The following GRID2IP variants were observed in gnomAD, a reference collection of about 807,000 sequenced individuals.
The protein encoded by GRID2IP is Grid2 interacting protein, also known as delphilin.
A neutral mutation model predicts 114.3 loss-of-function variants in GRID2IP; 78 were observed. The observed-to-expected ratio is 0.68, with a 90% CI of 0.57 to 0.82. The LOEUF (loss-of-function observed/expected upper bound fraction) is 0.82. GRID2IP is among the 40% of genes least tolerant of loss of function. The probability of loss-of-function intolerance (pLI) is 0.00; values close to 1 mark genes in which losing one functional copy is unlikely to be tolerated. For synonymous variants in GRID2IP, 809 were observed against 724.0 expected (o/e 1.12, Z -1.89); for missense variants, 1,727 against 1,678.5 (o/e 1.03, Z -0.51).
intron 4 of GRID2IP, among the ~76,000 whole-genome samples, chr7:6,525,158 T>A (rs943208568): frequency 4.0e-5 from 6 of 151,684 alleles, no homozygotes; most frequent in Non-Finnish European, 7.4e-5. Context: ...TATAAAAAAA[T>A]TAGCTGGGTG....
chr7:6,541,093 C>T (rs1779810182), intron 1 of GRID2IP, among the ~76,000 whole-genome samples: 1 of 151,846 alleles, frequency 6.6e-6, no homozygotes. Flanking sequence ...CTATATTGCC[C>T]AGGCTGATCT....
At chr7:6,542,604 G>A (rs544066133) in intron 1 of GRID2IP, among the ~76,000 whole-genome samples, 1 of 152,270 alleles carries the variant, frequency 6.6e-6, no homozygotes, top group African/African-American at 2.4e-5. Flanking sequence ...GCTGCAGTGA[G>A]CCAAGATTGT....
Position 6,528,984 on chromosome 7 carries a change from T to C in GRID2IP, c.585-2215A>G, listed in dbSNP as rs138405907. On this transcript the variant is annotated intron_variant, in intron 2 of 21. Transcript: ENST00000457091. This position sits in a 1 kb window ranked among gnomAD's most constrained non-coding sequence, Gnocchi z 6.0. ...CACATTCCCTAGCGCCTCCCAGACC[T>C]CAAGCCTCATGTCCAGGCAAAGGAG... Among the ~76,000 whole-genome samples, 110 of 152,078 alleles carry C rather than the reference T, an allele frequency of 7.2e-4. No homozygotes were observed. The highest frequency in any genetic ancestry group is 2.5e-3 in the African/African-American group (105 of 41,482).
intron 7 of GRID2IP, among the ~76,000 whole-genome samples, chr7:6,515,376 C>T (rs901190613): frequency 6.6e-6 from 1 of 151,914 alleles, no homozygotes; most frequent in African/African-American, 2.4e-5. Flanking sequence ...GTAGGAGAAT[C>T]GCTTAGACTG....
Position 6,497,788 on chromosome 7 carries a change from G to C in GRID2IP, c.3622C>G (p.Pro1208Ala). 1 of 1,550,086 alleles carries C rather than the reference G, an allele frequency of 6.5e-7. No homozygotes were observed. Among genetic ancestry groups the C allele is most frequent in the South Asian group, 1.2e-5 (1 of 84,006 alleles). The change falls in exon 22 of 22, where the codon CCC (proline) becomes GCC (alanine). Residue 1208 changes from proline to alanine, a missense_variant. Pro to Ala is a conservative substitution (Grantham distance 27). Coordinates refer to ENST00000457091, the MANE Select transcript of GRID2IP (RefSeq NM_001145118.2). ...TGTGGCCACTGTCACCAGGCCAGGG[G>C]TGAAACCATCCCGGAGCTGCGCAGG... ...EGLRSSGMVS[P>A]LAW
chr7:6,498,564 A>C (rs1583329727), intron 20 of GRID2IP, among the ~76,000 whole-genome samples: 2 of 128,320 alleles, frequency 1.6e-5, no homozygotes. Flanking sequence ...GTCACTCTCT[A>C]GGCCTTACTT....
Position 6,510,596 on chromosome 7 carries a change from G to A in GRID2IP, c.1653+13C>T, listed in dbSNP as rs780817034. 6.6e-7 allele frequency: 1 copy of A among 1,523,760 alleles called. No individual in the cohort carries two copies. Among genetic ancestry groups the A allele is most frequent in the Non-Finnish European group, 8.8e-7 (1 of 1,133,048 alleles). The allele number at this position is 1,523,760 out of a possible 1,614,324, so 94.4% of individuals were successfully genotyped here. On this transcript the variant is annotated intron_variant, in intron 10 of 21. Coordinates refer to ENST00000457091, the MANE Select transcript of GRID2IP (RefSeq NM_001145118.2). ...CCCTACTGACCCCACGTGGAGGGCA[G>A]AGAAGGTCTCACCATCTTGGGGTTG...
chr7:6,531,012 CCG>C, intron 2 of GRID2IP: 1 of 638,876 alleles, frequency 1.6e-6, no homozygotes, highest in Non-Finnish European at 2.8e-6. Flanking sequence ...CGAGGCGGAT[CCG>C]TGGCGCAGAG....
At chr7:6,533,149 G>A (rs1028988779) in intron 2 of GRID2IP, among the ~76,000 whole-genome samples, 13 of 152,100 alleles carry the variant, frequency 8.5e-5, no homozygotes, top group Non-Finnish European at 1.5e-4. Context: ...GCATCTAGGG[G>A]GTAGAGGCCT....
rs780621226 is a variant in GRID2IP at position 6,506,100 on chromosome 7, C to T, written c.2545-193G>A. Among the ~76,000 whole-genome samples the T allele has an allele frequency of 3.9e-5, 6 of 152,228 alleles. No homozygotes were observed. The highest frequency in any genetic ancestry group is 1.3e-4 in the Admixed American group (2 of 15,282). On this transcript the variant is annotated intron_variant, in intron 13 of 21. Coordinates refer to ENST00000457091, the MANE Select transcript of GRID2IP (RefSeq NM_001145118.2). The surrounding 1 kb of genome is among the most constrained non-coding windows in gnomAD (Gnocchi z 5.2). The stretch of plus-strand genomic sequence containing the variant: ...TCCGAGTCACCGGGTGCTGAGCCAG[C>T]GCCTCCTGGGGTCAATCGAGACTCA...
intron 16 of GRID2IP, 99 bp downstream of exon 16, chr7:6,503,392 G>T: frequency 8.2e-7 from 1 of 1,224,964 alleles, no homozygotes; most frequent in Non-Finnish European, 1.1e-6. Context: ...GGGCGCAATG[G>T]CGGCCCCCGA....
chr7:6,536,615 G>T lies in GRID2IP; in HGVS notation c.584+3103C>A, dbSNP rs1391836686. Among the ~76,000 whole-genome samples, 1 of 151,966 alleles carries T rather than the reference G, an allele frequency of 6.6e-6. No individual in the cohort carries two copies. The highest frequency in any genetic ancestry group is 1.5e-5 in the Non-Finnish European group (1 of 67,928). ...CCGGCTGCCAGCAGCCGGGAGACGA[G>T]CGAGCCAACTTCCTGGGGGACAGCT... On this transcript the variant is annotated intron_variant, in intron 2 of 21. Coordinates refer to ENST00000457091, the MANE Select transcript of GRID2IP (RefSeq NM_001145118.2). The surrounding 1 kb of genome is among the most constrained non-coding windows in gnomAD (Gnocchi z 5.3).
chr7:6,539,879 G>A lies in GRID2IP; in HGVS notation c.430-7C>T. ...CCCCCAAGATTTCATCCACCTGCAA[G>A]GAGGAGTCCTGTGAATGACCAAAAG... is the stretch of plus-strand genomic sequence containing the variant. On this transcript the variant is annotated splice_polypyrimidine_tract_variant and splice_region_variant and intron_variant, in intron 1 of 21. Transcript: ENST00000457091. 1.3e-6 allele frequency: 2 copies of A among 1,549,802 alleles called. No individual in the cohort carries two copies. The highest frequency in any genetic ancestry group is 1.4e-5 in the African/African-American group (1 of 73,146).
intron 1 of GRID2IP, among the ~76,000 whole-genome samples, chr7:6,546,270 C>T (rs569454055): frequency 6.6e-6 from 1 of 151,038 alleles, no homozygotes; most frequent in Admixed American, 6.6e-5. Context: ...CTAGCTTGAC[C>T]AACATGGTGA....
rs1779253179 is a variant in GRID2IP, at chr7:6,514,506, T to C, written c.1292A>G (p.Asp431Gly). ...AGGGGTGTCCAGCACAGGGTAGACGTCAACGATGAGGGTGTCGATGTTCCT... is the reference window on the plus strand; with the variant it reads ...AGGGGTGTCCAGCACAGGGTAGACGCCAACGATGAGGGTGTCGATGTTCCT... The part of the protein sequence containing the change: ...QHRNIDTLIV[D>G]VYPVLDTPAK... The change falls in exon 8 of 22, where the codon GAC (aspartate) becomes GGC (glycine). Residue 431 changes from aspartate to glycine, a missense_variant. Asp to Gly is a moderately conservative substitution (Grantham distance 94). Transcript: ENST00000457091. The C allele has an allele frequency of 6.5e-7, 1 of 1,534,446 alleles. No homozygotes were observed. Among genetic ancestry groups the C allele is most frequent in the Non-Finnish European group, 8.8e-7 (1 of 1,137,876 alleles).
rs1786296989 is a variant in GRID2IP, at chr7:6,497,772, T to G, written c.*2A>C. 19 of 1,548,892 alleles carry G rather than the reference T, an allele frequency of 1.2e-5. No homozygotes were observed. Among genetic ancestry groups the G allele is most frequent in the Non-Finnish European group, 1.7e-5 (19 of 1,145,864 alleles). ...GCCGCAGAGGACGCGGTGTGGCCAC[T>G]GTCACCAGGCCAGGGGTGAAACCAT... On this transcript the variant is annotated 3_prime_UTR_variant, in exon 22 of 22. Coordinates refer to ENST00000457091, the MANE Select transcript of GRID2IP (RefSeq NM_001145118.2).
chr7:6,500,149 C>T lies in GRID2IP; in HGVS notation c.3399+1632G>A, dbSNP rs1786370893. Among the ~76,000 whole-genome samples the T allele has an allele frequency of 2.0e-5, 3 of 152,048 alleles. No individual in the cohort carries two copies. The South Asian group carries it at 6.2e-4, about 32-fold the overall frequency. ...AGTGGACTAACCCTTACCTAAACAG[C>T]CTCAGTTTTCACATCTGCAAAACAT... On this transcript the variant is annotated intron_variant, in intron 20 of 21. Transcript: ENST00000457091.
At chr7:6,541,609 G>A (rs888230349) in intron 1 of GRID2IP, among the ~76,000 whole-genome samples, 3 of 152,154 alleles carry the variant, frequency 2.0e-5, no homozygotes, top group African/African-American at 7.2e-5. Flanking sequence ...GTGTGCAAAT[G>A]ATCACGTTGG....
chr7:6,501,519 T>C (rs1234722363), intron 20 of GRID2IP, among the ~76,000 whole-genome samples: 3 of 152,158 alleles, frequency 2.0e-5, no homozygotes, highest in Non-Finnish European at 1.5e-5. Flanking sequence ...CTGGGCAACA[T>C]GGCAAAACCT....
Sources: allele counts gnomAD v4.1 joint callset (sites outside exome capture counted in the v4.1 genomes callset), GRCh38; gene constraint gnomAD v4.1.1; non-coding constraint Gnocchi (gnomAD v3.1); transcripts MANE v1.5; gene names NCBI Gene and HGNC (gene_info 2026-07-23, HGNC 2026-07-21).